The following PDE4D variants were observed in gnomAD, a reference collection of about 807,000 sequenced individuals.
PDE4D encodes phosphodiesterase 4D, also known as 3',5'-cyclic-AMP phosphodiesterase 4D.
A neutral mutation model predicts 87.4 loss-of-function variants in PDE4D; 24 were observed. The observed-to-expected ratio is 0.27, with a 90% CI of 0.20 to 0.39. The LOEUF (loss-of-function observed/expected upper bound fraction) is 0.39, where lower values mean the gene tolerates loss of function less well. PDE4D is among the 10% of genes least tolerant of loss of function. PDE4D has a pLI of 1.00. For missense variants in PDE4D, 714 were observed against 1,041.0 expected, an observed-to-expected ratio of 0.69 and a Z score of 4.32; for synonymous variants, 384 against 383.2, an observed-to-expected ratio of 1.00 and a Z score of -0.02.
chr5:59,464,872 A>G (rs1801337904), intron 1 of PDE4D, among the ~76,000 whole-genome samples: 2 of 152,218 alleles, frequency 1.3e-5, no homozygotes, highest in Admixed American at 1.3e-4. Context: ...ATATTCTGGC[A>G]AAAGCATTGG....
chr5:59,600,256 G>A (rs1279382020), intron 1 of PDE4D, among the ~76,000 whole-genome samples: 2 of 152,184 alleles, frequency 1.3e-5, no homozygotes, highest in African/African-American at 4.8e-5. Flanking sequence ...GGTAGGGTTG[G>A]ACTCACGGCA....
At chr5:59,161,043 C>A (rs1054987469) in intron 5 of PDE4D, among the ~76,000 whole-genome samples, 2 of 152,196 alleles carry the variant, frequency 1.3e-5, no homozygotes, top group African/African-American at 4.8e-5. Flanking sequence ...TTGCAGTGAG[C>A]CGAATTGCGC....
At chr5:59,885,788 T>G (rs922810541) in intron 1 of PDE4D, among the ~76,000 whole-genome samples, 1 of 152,108 alleles carries the variant, frequency 6.6e-6, no homozygotes, top group Non-Finnish European at 1.5e-5. Context: ...ATAATTTCAC[T>G]CTGTCTTCAT....
Position 59,259,727 on chromosome 5 carries a change from G to A in PDE4D, c.456-43759C>T, listed in dbSNP as rs115024559. Among the ~76,000 whole-genome samples the A allele has an allele frequency of 2.2e-3, 330 of 151,824 alleles. 4 individuals carry two copies. Among genetic ancestry groups the A allele is most frequent in the African/African-American group, 7.4e-3 (308 of 41,478 alleles). On this transcript the variant is annotated intron_variant, in intron 1 of 14. Transcript: ENST00000340635. ...TAAGTATCTTTCATGTAGCATTAAT[G>A]TTCTATTTACCCATCAAAAACAAGG...
At chr5:59,005,730 T>G (rs1203754203) in intron 6 of PDE4D, among the ~76,000 whole-genome samples, 3 of 152,220 alleles carry the variant, frequency 2.0e-5, no homozygotes, top group African/African-American at 7.2e-5. Context: ...AAGATAAATA[T>G]TATCCCTATT....
chr5:59,768,323 A>G (rs1763063283), intron 1 of PDE4D: 1 of 1,597,970 alleles, frequency 6.3e-7, no homozygotes, highest in Non-Finnish European at 8.5e-7. Flanking sequence ...AGCCTGGGGG[A>G]ATTTCTCGGA....
chr5:59,987,766 A>G (rs1762591218), intron 3 of PDE4D: 1 of 152,226 alleles, frequency 6.6e-6, no homozygotes, highest in South Asian at 2.1e-4. Context: ...CAAATAATTG[A>G]TGTGCCCAAT....
At chr5:59,008,764 T>C (rs1752174807) in intron 6 of PDE4D, among the ~76,000 whole-genome samples, 1 of 151,736 alleles carries the variant, frequency 6.6e-6, no homozygotes, top group Admixed American at 6.6e-5. Flanking sequence ...TGAAAAAAAC[T>C]GTTAAGAAAA....
At chr5:60,156,536 A>T (rs1419674033) in intron 2 of PDE4D, among the ~76,000 whole-genome samples, 1 of 152,228 alleles carries the variant, frequency 6.6e-6, no homozygotes, top group African/African-American at 2.4e-5. Flanking sequence ...GCCATAGTCT[A>T]TTGTATAAAA....
chr5:59,163,755 C>G (rs1781504674), intron 5 of PDE4D, among the ~76,000 whole-genome samples: 1 of 152,096 alleles, frequency 6.6e-6, no homozygotes, highest in African/African-American at 2.4e-5. Flanking sequence ...TCCTATTTTC[C>G]CATATTTTAA....
chr5:59,547,435 T>A (rs1817455177), intron 1 of PDE4D, among the ~76,000 whole-genome samples: 1 of 152,028 alleles, frequency 6.6e-6, no homozygotes, highest in African/African-American at 2.4e-5. Context: ...CTTGCCTATA[T>A]GAATGTCATA....
At chr5:59,003,224 T>A (rs1204241283) in intron 6 of PDE4D, among the ~76,000 whole-genome samples, 2 of 152,164 alleles carry the variant, frequency 1.3e-5, no homozygotes, top group Admixed American at 1.3e-4. Context: ...AAGCTAGTAA[T>A]GCCTGCTTCA....
chr5:59,406,744 A>G (rs1235504623), intron 1 of PDE4D, among the ~76,000 whole-genome samples: 2 of 152,046 alleles, frequency 1.3e-5, no homozygotes, highest in Admixed American at 6.6e-5. Context: ...ATTGTTTTAA[A>G]TTCTAACTCT....
At chr5:59,671,371 C>G (rs1747172036) in intron 1 of PDE4D, among the ~76,000 whole-genome samples, 1 of 152,014 alleles carries the variant, frequency 6.6e-6, no homozygotes, top group African/African-American at 2.4e-5. Flanking sequence ...TGATTCCTTT[C>G]TAATTATAAA....
At chr5:59,452,788 T>C (rs549033520) in intron 1 of PDE4D, among the ~76,000 whole-genome samples, 1 of 152,310 alleles carries the variant, frequency 6.6e-6, no homozygotes, top group South Asian at 2.1e-4. Flanking sequence ...AAAACATTCA[T>C]CACATTTAAT....
At chr5:59,108,896 G>T in intron 5 of PDE4D, among the ~76,000 whole-genome samples, 1 of 118,074 alleles carries the variant, frequency 8.5e-6, no homozygotes, top group Non-Finnish European at 1.8e-5. Flanking sequence ...GACAGAGTGA[G>T]ATTCCTTCTC....
chr5:60,248,793 C>A (rs1748085625), intron 1 of PDE4D, among the ~76,000 whole-genome samples: 2 of 152,044 alleles, frequency 1.3e-5, no homozygotes, highest in African/African-American at 4.8e-5. Context: ...TGCTTTCCAA[C>A]AGGAAACTTC....
intron 3 of PDE4D, 49 bp downstream of exon 3, chr5:59,193,451 A>C: frequency 6.5e-7 from 1 of 1,540,564 alleles, no homozygotes; most frequent in East Asian, 2.2e-5. Context: ...TCCCCAAATT[A>C]AATTTTTACA....
chr5:59,668,901 AAG>A (rs1746667637), intron 1 of PDE4D, among the ~76,000 whole-genome samples: 1 of 76,854 alleles, frequency 1.3e-5, no homozygotes, highest in South Asian at 4.7e-4. Flanking sequence ...GAAGAAGAAG[AAG>A]AAGAAGAAGA....
Sources: allele counts gnomAD v4.1 joint callset (sites outside exome capture counted in the v4.1 genomes callset), GRCh38; gene constraint gnomAD v4.1.1; transcripts MANE v1.5; gene names NCBI Gene and HGNC (gene_info 2026-07-23, HGNC 2026-07-21).